SLC25A26: variants seen among roughly 807,000 people sequenced by gnomAD.
SLC25A26 encodes mitochondrial S-adenosylmethionine carrier protein.
Under a neutral mutation model 37.8 loss-of-function variants are expected in SLC25A26, and 36 were observed. The observed-to-expected ratio is 0.95, with a 90% CI of 0.73 to 1.26. The LOEUF (loss-of-function observed/expected upper bound fraction) is 1.26, where lower values mean the gene tolerates loss of function less well. Among genes scored for constraint, SLC25A26 ranks in the 50% most tolerant of loss-of-function variants. SLC25A26 has a pLI of 0.00. For missense variants in SLC25A26, 390 were observed against 331.1 expected (o/e 1.18, Z -1.38); for synonymous variants, 129 against 122.5 (o/e 1.05, Z -0.35).
chr3:66,334,970 T>G (rs1345471537), intron 5 of SLC25A26, among the ~76,000 whole-genome samples: 1 of 152,248 alleles, frequency 6.6e-6, no homozygotes, highest in Non-Finnish European at 1.5e-5. Context: ...CTACATTCTA[T>G]TTTCTATCTC....
intron 5 of SLC25A26, among the ~76,000 whole-genome samples, chr3:66,346,111 C>T (rs976355756): frequency 2.6e-5 from 4 of 152,164 alleles, no homozygotes; most frequent in South Asian, 2.1e-4. Context: ...GGGAAAATCT[C>T]GTGAGCCTGG....
intron 5 of SLC25A26, among the ~76,000 whole-genome samples, chr3:66,273,024 G>A (rs934715544): frequency 1.8e-4 from 27 of 152,102 alleles, no homozygotes; most frequent in Non-Finnish European, 2.5e-4. Context: ...TCTTGTCAAA[G>A]GCCTTTTCTG....
chr3:66,175,973 A>G (rs537757998), intron 1 of SLC25A26, among the ~76,000 whole-genome samples: 2 of 152,338 alleles, frequency 1.3e-5, no homozygotes, highest in South Asian at 2.1e-4. Context: ...CATAATATCT[A>G]TCAACAGGAA....
chr3:66,294,803 C>T (rs1048350842), intron 5 of SLC25A26, among the ~76,000 whole-genome samples: 14 of 152,106 alleles, frequency 9.2e-5, no homozygotes, highest in African/African-American at 2.7e-4. Context: ...GATTACCACA[C>T]GTAATTGTTA....
chr3:66,207,305 C>T (rs1238988680), intron 1 of SLC25A26, among the ~76,000 whole-genome samples: 3 of 152,066 alleles, frequency 2.0e-5, no homozygotes, highest in African/African-American at 7.2e-5. Flanking sequence ...CATACTAGTC[C>T]AGTTCATGGG....
rs189917361 is a variant in SLC25A26 at position 66,343,148 on chromosome 3, A to G, written c.454-3216A>G. 4.6e-5 allele frequency among the ~76,000 whole-genome samples: 7 copies of G among 152,306 alleles called. No homozygotes were observed. In the East Asian group the frequency reaches 1.4e-3, roughly 29 times the overall value. ...ACGCGGGGAGGGAGCTAGCTTTCTG[A>G]CGGGCCCACGTTCTGTAGACGTTGG... On this transcript the variant is annotated intron_variant, in intron 5 of 9. Coordinates refer to ENST00000354883, the MANE Select transcript of SLC25A26 (RefSeq NM_001379210.1).
At chr3:66,166,820 C>T (rs2070431181) in intron 1 of SLC25A26, among the ~76,000 whole-genome samples, 1 of 152,134 alleles carries the variant, frequency 6.6e-6, no homozygotes, top group Non-Finnish European at 1.5e-5. Context: ...TATAGTTTGG[C>T]TCTATCTCCA....
chr3:66,267,813 T>C (rs1392776356), intron 5 of SLC25A26, among the ~76,000 whole-genome samples: 3 of 152,178 alleles, frequency 2.0e-5, no homozygotes, highest in African/African-American at 7.2e-5. Flanking sequence ...TATTCAAAAG[T>C]GGATATGGCA....
chr3:66,318,670 G>GTT, intron 5 of SLC25A26, among the ~76,000 whole-genome samples: 1 of 150,796 alleles, frequency 6.6e-6, no homozygotes, highest in Non-Finnish European at 1.5e-5. Flanking sequence ...ATTTTTTTTT[G>GTT]TTTTTTTTGA....
At chr3:66,262,999 T>C (rs1203981773) in intron 4 of SLC25A26, among the ~76,000 whole-genome samples, 3 of 152,234 alleles carry the variant, frequency 2.0e-5, no homozygotes, top group Non-Finnish European at 4.4e-5. Flanking sequence ...AGAGAACACA[T>C]GTTAGAGCAA....
intron 1 of SLC25A26, among the ~76,000 whole-genome samples, chr3:66,195,141 G>T (rs955179606): frequency 1.3e-3 from 193 of 152,318 alleles, no homozygotes; most frequent in African/African-American, 4.5e-3. Context: ...CCCAACGCAT[G>T]CTCGCAATTA....
At chr3:66,168,274 A>C (rs1313718708) in intron 1 of SLC25A26, among the ~76,000 whole-genome samples, 1 of 147,828 alleles carries the variant, frequency 6.8e-6, no homozygotes, top group Non-Finnish European at 1.5e-5. Context: ...TATAGGAAGA[A>C]TCTTCAGGGA....
rs917413629 is a variant in SLC25A26, at chr3:66,144,159, A to G, written c.-354+10175A>G. ...ATATTCAAGCTGAGACCTGAATGAT[A>G]ACAAGGAACCAACTGTATCAAGATC... On this transcript the variant is annotated intron_variant, in intron 1 of 10. Transcript: ENST00000676754. 3.3e-5 allele frequency among the ~76,000 whole-genome samples: 5 copies of G among 152,234 alleles called. No homozygotes were observed. In the East Asian group the frequency reaches 9.7e-4, roughly 29 times the overall value.
intron 5 of SLC25A26, among the ~76,000 whole-genome samples, chr3:66,290,849 C>T (rs1174466020): frequency 1.3e-5 from 2 of 152,080 alleles, no homozygotes; most frequent in Non-Finnish European, 2.9e-5. Flanking sequence ...ACGGAGGAGC[C>T]CCTCTTTTTC....
intron 1 of SLC25A26, among the ~76,000 whole-genome samples, chr3:66,153,384 C>T (rs2070233904): frequency 1.3e-5 from 2 of 152,152 alleles, no homozygotes; most frequent in African/African-American, 2.4e-5. Context: ...AGTATAGAAC[C>T]ATGGTTTTCG....
intron 1 of SLC25A26, among the ~76,000 whole-genome samples, chr3:66,232,822 G>A (rs2072096030): frequency 6.6e-6 from 1 of 152,248 alleles, no homozygotes; most frequent in Non-Finnish European, 1.5e-5. Flanking sequence ...AGGCTGGAGA[G>A]TGGCAAGATG....
At chr3:66,309,782 A>G (rs2107596492) in intron 5 of SLC25A26, among the ~76,000 whole-genome samples, 1 of 152,210 alleles carries the variant, frequency 6.6e-6, no homozygotes, top group Non-Finnish European at 1.5e-5. Flanking sequence ...ATTCAGGAGC[A>G]GGTTGTTTCC....
At chr3:66,288,946 G>A (rs1450695460) in intron 5 of SLC25A26, among the ~76,000 whole-genome samples, 1 of 152,198 alleles carries the variant, frequency 6.6e-6, no homozygotes, top group Admixed American at 6.5e-5. Context: ...CCCACCAACA[G>A]TGTAAAAGCA....
At chr3:66,270,901 A>G (rs921750151) in intron 5 of SLC25A26, among the ~76,000 whole-genome samples, 1 of 152,070 alleles carries the variant, frequency 6.6e-6, no homozygotes, top group African/African-American at 2.4e-5. Flanking sequence ...TACTTTTTTC[A>G]TTCCTTGGAC....
Sources: gnomAD v4.1 joint callset for allele counts (sites outside exome capture counted in the v4.1 genomes callset) on GRCh38, gnomAD v4.1.1 for gene constraint, MANE v1.5 for transcripts, NCBI Gene and HGNC (gene_info 2026-07-23, HGNC 2026-07-21) for gene names.